Variants in PPP6R3 observed in about 807,000 individuals in gnomAD.
PPP6R3 encodes serine/threonine-protein phosphatase 6 regulatory subunit 3.
PPP6R3 carries 38 observed loss-of-function variants against 110.7 expected under a neutral mutation model. The observed-to-expected ratio is 0.34, with a 90% CI of 0.26 to 0.45. The LOEUF is 0.45. Ranked by LOEUF, PPP6R3 falls within the 20% of genes least tolerant of loss-of-function variation. The pLI is 1.00. For missense variants in PPP6R3, 870 were observed against 1,062.4 expected, an observed-to-expected ratio of 0.82 and a Z score of 2.52; for synonymous variants, 369 against 373.5, an observed-to-expected ratio of 0.99 and a Z score of 0.14.
At chr11:68,591,188 G>C (rs1052607203) in intron 17 of PPP6R3, among the ~76,000 whole-genome samples, 1 of 152,144 alleles carries the variant, frequency 6.6e-6, no homozygotes, top group African/African-American at 2.4e-5. Context: ...AGGAACTGCT[G>C]ATTTGAGCCA....
chr11:68,461,117 C>G (rs1463891811), intron 1 of PPP6R3, among the ~76,000 whole-genome samples: 2 of 150,546 alleles, frequency 1.3e-5, no homozygotes, highest in African/African-American at 2.4e-5. Context: ...CGTTCGCGGC[C>G]TGGCGCGGCG....
intron 3 of PPP6R3, among the ~76,000 whole-genome samples, chr11:68,540,631 A>G (rs2099309694): frequency 6.6e-6 from 1 of 152,156 alleles, no homozygotes; most frequent in Non-Finnish European, 1.5e-5. Flanking sequence ...GCCTGGGAGC[A>G]TTATGGGAGA....
chr11:68,494,407 T>G (rs1456677406), intron 1 of PPP6R3, among the ~76,000 whole-genome samples: 1 of 36,796 alleles, frequency 2.7e-5, no homozygotes, highest in Non-Finnish European at 4.7e-5. Flanking sequence ...GCCTGTAATC[T>G]CAAAAAAAAA....
chr11:68,570,047 A>G (rs183442173), intron 11 of PPP6R3, 150 bp downstream of exon 11: 15 of 704,430 alleles, frequency 2.1e-5, no homozygotes, highest in Middle Eastern at 2.8e-4. Context: ...CACTTTTAAC[A>G]TATAAATCAT....
intron 9 of PPP6R3, among the ~76,000 whole-genome samples, chr11:68,566,082 C>T (rs969989667): frequency 1.3e-5 from 2 of 152,162 alleles, no homozygotes; most frequent in Non-Finnish European, 1.5e-5. Flanking sequence ...TATAGAAACT[C>T]CTGTTGATGG....
chr11:68,522,233 C>G (rs533042112), intron 2 of PPP6R3, among the ~76,000 whole-genome samples: 14 of 152,352 alleles, frequency 9.2e-5, no homozygotes, highest in African/African-American at 3.4e-4. Context: ...GCCTTTGCAT[C>G]AAGATCTGCA....
intron 14 of PPP6R3, among the ~76,000 whole-genome samples, chr11:68,582,586 TG>T (rs1319089361): frequency 1.3e-5 from 2 of 152,240 alleles, no homozygotes; most frequent in East Asian, 3.8e-4. Flanking sequence ...GAATTTGAAA[TG>T]GTTATATTTA....
intron 1 of PPP6R3, among the ~76,000 whole-genome samples, chr11:68,475,442 C>T (rs917443417): frequency 3.6e-4 from 54 of 151,706 alleles, no homozygotes; most frequent in Non-Finnish European, 6.6e-4. Flanking sequence ...ACCTCCCAGA[C>T]GGGGTGGTGG....
At chr11:68,570,281 A>T (rs1435456040) in intron 11 of PPP6R3, among the ~76,000 whole-genome samples, 1 of 152,202 alleles carries the variant, frequency 6.6e-6, no homozygotes, top group Admixed American at 6.5e-5. Context: ...AAGTCAGGAG[A>T]ACTGAGTTCT....
chr11:68,466,200 G>A (rs1296107105), intron 1 of PPP6R3, among the ~76,000 whole-genome samples: 1 of 152,130 alleles, frequency 6.6e-6, no homozygotes, highest in Non-Finnish European at 1.5e-5. Flanking sequence ...TTTGACTTTG[G>A]CTTAGATTTA....
intron 1 of PPP6R3, among the ~76,000 whole-genome samples, chr11:68,462,107 G>A (rs1256912283): frequency 6.6e-6 from 1 of 152,198 alleles, no homozygotes; most frequent in Non-Finnish European, 1.5e-5. Context: ...CCTAATACAT[G>A]TAAAACAGCT....
intron 2 of PPP6R3, among the ~76,000 whole-genome samples, chr11:68,532,952 A>G (rs1387736777): frequency 2.0e-5 from 3 of 152,218 alleles, no homozygotes; most frequent in Non-Finnish European, 2.9e-5. Context: ...AGGATTTCTC[A>G]GTCTGTATCC....
intron 15 of PPP6R3, among the ~76,000 whole-genome samples, chr11:68,584,832 T>C (rs983085026): frequency 2.0e-5 from 3 of 152,250 alleles, no homozygotes; most frequent in Non-Finnish European, 4.4e-5. Flanking sequence ...CTTTTCTGAT[T>C]GACAAGCTTC....
intron 1 of PPP6R3, among the ~76,000 whole-genome samples, chr11:68,480,298 T>C (rs1745872780): frequency 6.6e-6 from 1 of 152,258 alleles, no homozygotes; most frequent in Non-Finnish European, 1.5e-5. Flanking sequence ...TGGCAACCAA[T>C]CTTTGTCTGC....
intron 1 of PPP6R3, among the ~76,000 whole-genome samples, chr11:68,509,998 C>G (rs2099100539): frequency 6.7e-6 from 1 of 149,662 alleles, no homozygotes; most frequent in Non-Finnish European, 1.5e-5. Flanking sequence ...GGTGATCCAC[C>G]TGATTTGGCA....
At chr11:68,566,180 G>A (rs1472684331) in intron 9 of PPP6R3, among the ~76,000 whole-genome samples, 1 of 152,174 alleles carries the variant, frequency 6.6e-6, no homozygotes, top group Non-Finnish European at 1.5e-5. Context: ...ATTTGGCTCA[G>A]ACTGAGGATT....
chr11:68,473,992 A>T (rs1591602813), intron 1 of PPP6R3, among the ~76,000 whole-genome samples: 1 of 150,226 alleles, frequency 6.7e-6, no homozygotes, highest in Admixed American at 6.6e-5. Context: ...AATGCTGATG[A>T]GTGTCTTTTT....
chr11:68,583,906 T>C (rs968370937), intron 15 of PPP6R3, among the ~76,000 whole-genome samples: 1 of 152,130 alleles, frequency 6.6e-6, no homozygotes, highest in Non-Finnish European at 1.5e-5. Flanking sequence ...CAGCACAGAA[T>C]GTTGTTGCTT....
At chr11:68,551,934 G>A (rs1003666318) in intron 6 of PPP6R3, among the ~76,000 whole-genome samples, 18 of 152,182 alleles carry the variant, frequency 1.2e-4, no homozygotes, top group Non-Finnish European at 2.1e-4. Context: ...CTTCCTAGCC[G>A]TGGCTGTTAA....
Sources: gnomAD v4.1 joint callset for allele counts (sites outside exome capture counted in the v4.1 genomes callset) on GRCh38, gnomAD v4.1.1 for gene constraint, MANE v1.5 for transcripts, NCBI Gene and HGNC (gene_info 2026-07-23, HGNC 2026-07-21) for gene names.